Variants in CATSPERE observed in about 807,000 individuals in gnomAD.
CATSPERE encodes the protein catsper channel auxiliary subunit epsilon.
CATSPERE carries 93 observed loss-of-function variants against 114.1 expected under a neutral mutation model. That is an observed-to-expected ratio of 0.81 (90% CI 0.69 to 0.97). CATSPERE has a LOEUF of 0.97. CATSPERE is among the 50% of genes least tolerant of loss of function. CATSPERE has a pLI of 0.00. For synonymous variants in CATSPERE, 341 were observed against 384.1 expected (o/e 0.89, Z 1.31); for missense variants, 1,058 against 1,131.6 (o/e 0.93, Z 0.93).
chr1:244,519,557 A>G (rs1258052118), intron 8 of CATSPERE, among the ~76,000 whole-genome samples: 1 of 152,024 alleles, frequency 6.6e-6, no homozygotes, highest in African/African-American at 2.4e-5. Flanking sequence ...TGTGCACTTG[A>G]AGTTCATTGG....
chr1:244,452,063 C>T (rs1665649565), upstream of CATSPERE: 1 of 355,646 alleles, frequency 2.8e-6, no homozygotes, highest in Non-Finnish European at 5.0e-6. Flanking sequence ...AGGAAGAGGC[C>T]CTGGTGGCGG....
intron 2 of CATSPERE, among the ~76,000 whole-genome samples, chr1:244,474,840 C>T (rs1669045017): frequency 6.7e-6 from 1 of 149,958 alleles, no homozygotes; most frequent in African/African-American, 2.5e-5. Flanking sequence ...AACTCCTGGA[C>T]TCAAGCGATC....
At chr1:244,477,130 G>A (rs1055758682) in intron 2 of CATSPERE, among the ~76,000 whole-genome samples, 12 of 152,070 alleles carry the variant, frequency 7.9e-5, no homozygotes, top group Non-Finnish European at 1.3e-4. Context: ...TGAGTAGCAG[G>A]GATTACAGGC....
At chr1:244,613,700 C>T (rs768975508) in intron 19 of CATSPERE, among the ~76,000 whole-genome samples, 3 of 152,260 alleles carry the variant, frequency 2.0e-5, no homozygotes, top group East Asian at 1.9e-4. Context: ...ACTAAGGATG[C>T]AGTGGCCTGT....
rs1462155912 is a variant in CATSPERE, at chr1:244,529,164, T to C, written c.536+10466T>C. ...TGGGAGTAGATATCTCTTCAATATA[T>C]TGAATTCCTTTCTTTTGGGTGTATA... On this transcript the variant is annotated intron_variant, in intron 8 of 21. Coordinates refer to ENST00000366534, the MANE Select transcript of CATSPERE (RefSeq NM_001130957.2). Among the ~76,000 whole-genome samples the C allele has an allele frequency of 3.3e-5, 5 of 152,218 alleles. No individual in the cohort carries two copies. The East Asian group carries it at 9.6e-4, about 29-fold the overall frequency.
intron 14 of CATSPERE, among the ~76,000 whole-genome samples, chr1:244,591,043 T>C (rs1002238489): frequency 1.3e-5 from 2 of 152,254 alleles, no homozygotes; most frequent in African/African-American, 4.8e-5. Flanking sequence ...TGCACTGTTT[T>C]ACATTATCAC....
rs1205700344 is a variant in CATSPERE at position 244,572,503 on chromosome 1, A to G, written c.1681A>G (p.Ile561Val). 5 of 1,614,062 alleles carry G rather than the reference A, an allele frequency of 3.1e-6. No homozygotes were observed. Among genetic ancestry groups the G allele is most frequent in the African/African-American group, 2.7e-5 (2 of 74,948 alleles). ...YFLYALDDGT[I>V]QIQDYPLHLE... Reference sequence around the variant, plus strand: ...CCTGTATGCTTTGGATGATGGCACAATACAAATACAGGACTATCCCTTACA... The same window carrying G: ...CCTGTATGCTTTGGATGATGGCACAGTACAAATACAGGACTATCCCTTACA... Residue 561 changes from isoleucine (I) to valine (V), a missense_variant, in exon 11 of 22, where the codon ATA becomes GTA. By Grantham distance (29) the Ile-to-Val change is conservative. This residue lies in a region of CATSPERE where 787 missense variants were observed against 905.6 expected (regional missense o/e 0.87). Coordinates refer to ENST00000366534, the MANE Select transcript of CATSPERE (RefSeq NM_001130957.2).
chr1:244,551,295 T>C (rs1180651087), intron 8 of CATSPERE, among the ~76,000 whole-genome samples: 1 of 152,138 alleles, frequency 6.6e-6, no homozygotes, highest in Non-Finnish European at 1.5e-5. Context: ...GAGACAGTAA[T>C]GAAGGGAAAC....
chr1:244,533,205 G>T (rs1207325861), intron 8 of CATSPERE, among the ~76,000 whole-genome samples: 1 of 151,972 alleles, frequency 6.6e-6, no homozygotes, highest in Non-Finnish European at 1.5e-5. Flanking sequence ...CATTTGCATT[G>T]AATATATTTT....
chr1:244,588,913 C>T (rs1667372498), intron 14 of CATSPERE, among the ~76,000 whole-genome samples: 1 of 152,138 alleles, frequency 6.6e-6, no homozygotes, highest in Non-Finnish European at 1.5e-5. Flanking sequence ...GTTATAATTT[C>T]ATTTCCATCA....
chr1:244,489,162 C>T (rs556373535), intron 5 of CATSPERE, among the ~76,000 whole-genome samples: 6 of 152,272 alleles, frequency 3.9e-5, no homozygotes, highest in Non-Finnish European at 8.8e-5. Context: ...CACGTTCTTA[C>T]TATGTGTCCC....
chr1:244,524,672 G>C (rs1678215135), intron 8 of CATSPERE, among the ~76,000 whole-genome samples: 1 of 151,450 alleles, frequency 6.6e-6, no homozygotes. Context: ...TCAAAAAGTG[G>C]GCAAAGGAAA....
At chr1:244,510,835 C>CTTTTTTTTTTTTTTTTT (rs747921082) in intron 7 of CATSPERE, among the ~76,000 whole-genome samples, 5 of 48,340 alleles carry the variant, frequency 1.0e-4, no homozygotes, top group Non-Finnish European at 1.2e-4. Flanking sequence ...TTTTCTTTTT[C>CTTTTTTTTTTTTTTTTT]TTTTTTTTTT....
rs1199069131 is a variant in CATSPERE at position 244,479,691 on chromosome 1, ACAGTTTC to A, written c.259-25_259-19del. The A allele has an allele frequency of 1.4e-6, 2 of 1,451,922 alleles. No homozygotes were observed. The highest frequency in any genetic ancestry group is 2.8e-5 in the African/African-American group (2 of 71,312). 89.9% of individuals were successfully genotyped at this position (1,451,922 alleles called of 1,614,324 possible). A position where few individuals can be genotyped will look rare whatever the true frequency, so the allele number is the denominator to read the frequency against. On this transcript the variant is annotated intron_variant, in intron 4 of 21. Coordinates refer to ENST00000366534, the MANE Select transcript of CATSPERE (RefSeq NM_001130957.2). ...GCATTTGATTTAATGTTAATATATCACAGTTTCTTTTGCATTTTCTTTTAGGATGAAG... is the reference window on the plus strand; with the variant it reads ...GCATTTGATTTAATGTTAATATATCATTTTGCATTTTCTTTTAGGATGAAG...
chr1:244,477,545 A>T lies in CATSPERE; in HGVS notation c.119A>T (p.Lys40Met). The T allele has an allele frequency of 6.4e-7, 1 of 1,573,416 alleles. No homozygotes were observed. The highest frequency in any genetic ancestry group is 8.7e-7 in the Non-Finnish European group (1 of 1,146,892). ...AACTCTTGTTTTCTTTTTTAGATTA[A>T]GTTAGAGTATGAAGGAACATTATTT... ...YRIFSTRSTI[K>M]LEYEGTLFTE... The change falls in exon 3 of 22, where the codon AAG becomes ATG. Residue 40 changes from lysine to methionine, a missense_variant. Lys to Met is a moderately conservative substitution (Grantham distance 95). Transcript: ENST00000366534.
At chr1:244,586,437 G>A (rs1476772833) in intron 13 of CATSPERE, among the ~76,000 whole-genome samples, 1 of 152,186 alleles carries the variant, frequency 6.6e-6, no homozygotes, top group Non-Finnish European at 1.5e-5. Flanking sequence ...TAAAGGGCAG[G>A]CCAATGATTC....
Position 244,566,829 on chromosome 1 carries a change from G to A in CATSPERE, c.1508-5501G>A, listed in dbSNP as rs183353097. 4.1e-4 allele frequency among the ~76,000 whole-genome samples: 62 copies of A among 151,746 alleles called. 1 individual carries two copies. Among genetic ancestry groups the A allele is most frequent in the African/African-American group, 1.4e-3 (60 of 41,386 alleles). ...TGCCATTCTGTGTCTTTTAATTGGG[G>A]CATTTAGCCCATTTACATTTAAGGT... On this transcript the variant is annotated intron_variant, in intron 10 of 21. Coordinates refer to ENST00000366534, the MANE Select transcript of CATSPERE (RefSeq NM_001130957.2).
chr1:244,526,101 T>G (rs192445718), intron 8 of CATSPERE, among the ~76,000 whole-genome samples: 1 of 152,246 alleles, frequency 6.6e-6, no homozygotes, highest in Admixed American at 6.5e-5. Flanking sequence ...AAGAGGACCT[T>G]TTCCTTAATG....
intron 8 of CATSPERE, among the ~76,000 whole-genome samples, chr1:244,519,568 T>A (rs1295500693): frequency 1.3e-5 from 2 of 152,066 alleles, no homozygotes; most frequent in African/African-American, 2.4e-5. Flanking sequence ...AGTTCATTGG[T>A]GTGTCTGCGT....
Sources: allele counts gnomAD v4.1 joint callset (sites outside exome capture counted in the v4.1 genomes callset), GRCh38; gene constraint gnomAD v4.1.1; regional missense constraint gnomAD v4.1.1; transcripts MANE v1.5; gene names NCBI Gene and HGNC (gene_info 2026-07-23, HGNC 2026-07-21).